CEP112: variants seen among roughly 807,000 people sequenced by gnomAD.
CEP112 encodes the protein centrosomal protein of 112 kDa.
CEP112 carries 127 observed loss-of-function variants against 153.0 expected under a neutral mutation model. The ratio of observed to expected loss-of-function variants is 0.83; its 90% CI spans 0.72 to 0.96. The LOEUF is 0.96. CEP112 is among the 40% of genes least tolerant of loss of function. The probability of loss-of-function intolerance (pLI) is 0.00; values close to 1 mark genes in which losing one functional copy is unlikely to be tolerated. For synonymous variants in CEP112, 358 were observed against 374.4 expected, an observed-to-expected ratio of 0.96 and a Z score of 0.51; for missense variants, 1,089 against 1,101.2, an observed-to-expected ratio of 0.99 and a Z score of 0.16.
chr17:65,970,385 A>AAATTACATGCACACATCATGCATG (rs1340158866), intron 17 of CEP112, among the ~76,000 whole-genome samples: 641 of 16,968 alleles, frequency 0.038, 80 homozygotes, highest in African/African-American at 0.12. Context: ...CATCATGCAT[A>AAATTACATGCACACATCATGCATG]TATATTACAT....
rs73336870 is a variant in CEP112 at position 65,711,260 on chromosome 17, C to T, written c.2608-22042G>A. Reference sequence around the variant, plus strand: ...TCAAATGCATGGTAGAGTAATGAAGCATTCAAGGTTTCCAGTCTGGCTGCC... The same window carrying T: ...TCAAATGCATGGTAGAGTAATGAAGTATTCAAGGTTTCCAGTCTGGCTGCC... On this transcript the variant is annotated intron_variant, in intron 23 of 26. Coordinates refer to ENST00000535342, the MANE Select transcript of CEP112 (RefSeq NM_001199165.4). Among the ~76,000 whole-genome samples, 1,138 of 152,286 alleles carry T rather than the reference C, an allele frequency of 7.5e-3. 18 individuals are homozygous for T. Among genetic ancestry groups the T allele is most frequent in the African/African-American group, 0.026 (1,078 of 41,556 alleles).
At chr17:66,160,992 A>G (rs914773401) in intron 4 of CEP112, among the ~76,000 whole-genome samples, 1 of 152,142 alleles carries the variant, frequency 6.6e-6, no homozygotes, top group Non-Finnish European at 1.5e-5. Flanking sequence ...GAAATTTACA[A>G]GAAAAAAAAA....
intron 17 of CEP112, among the ~76,000 whole-genome samples, chr17:65,966,350 A>T (rs1659067878): frequency 6.6e-6 from 1 of 152,242 alleles, no homozygotes; most frequent in Admixed American, 6.5e-5. Flanking sequence ...TTTACAAGCT[A>T]ACATGTATAT....
At chr17:65,648,358 A>G (rs1047583339) in intron 24 of CEP112, among the ~76,000 whole-genome samples, 8 of 152,218 alleles carry the variant, frequency 5.3e-5, no homozygotes, top group African/African-American at 1.9e-4. Flanking sequence ...GACTCCTGTA[A>G]GCTGAGTGGA....
At chr17:66,041,120 G>T in intron 12 of CEP112, among the ~76,000 whole-genome samples, 1 of 150,018 alleles carries the variant, frequency 6.7e-6, no homozygotes, top group Non-Finnish European at 1.5e-5. Context: ...GTAAATAATT[G>T]TAATTTTCAT....
chr17:65,888,220 C>G (rs1001844086), intron 20 of CEP112, among the ~76,000 whole-genome samples: 1 of 152,110 alleles, frequency 6.6e-6, no homozygotes, highest in Non-Finnish European at 1.5e-5. Context: ...TTTTCCTGCC[C>G]AATTCAATGT....
chr17:66,126,478 C>T (rs2069856016), intron 6 of CEP112, among the ~76,000 whole-genome samples: 1 of 151,718 alleles, frequency 6.6e-6, no homozygotes, highest in African/African-American at 2.4e-5. Context: ...TTACAAATAG[C>T]GAATACCCAC....
intron 18 of CEP112, among the ~76,000 whole-genome samples, chr17:65,945,394 A>G (rs1326206807): frequency 1.3e-5 from 2 of 152,338 alleles, no homozygotes; most frequent in East Asian, 1.9e-4. Context: ...AGTAGGGCAC[A>G]TATGTAGGTG....
chr17:65,827,998 T>C (rs1161892400), intron 21 of CEP112, among the ~76,000 whole-genome samples: 6 of 152,208 alleles, frequency 3.9e-5, no homozygotes, highest in Non-Finnish European at 5.9e-5. Context: ...AATAGCACTT[T>C]GACACTTAAA....
intron 20 of CEP112, among the ~76,000 whole-genome samples, chr17:65,883,600 T>A (rs1464296832): frequency 2.0e-5 from 3 of 152,142 alleles, no homozygotes; most frequent in African/African-American, 7.2e-5. Context: ...TCTGACCTCA[T>A]GATCTGCCTG....
At chr17:65,703,908 C>T (rs1174486438) in intron 23 of CEP112, among the ~76,000 whole-genome samples, 4 of 151,558 alleles carry the variant, frequency 2.6e-5, no homozygotes, top group Admixed American at 6.6e-5. Flanking sequence ...GGAGCCAAAA[C>T]GACAGGGTAT....
At chr17:65,954,263 T>C (rs1380261243) in intron 18 of CEP112, among the ~76,000 whole-genome samples, 1 of 152,092 alleles carries the variant, frequency 6.6e-6, no homozygotes, top group Non-Finnish European at 1.5e-5. Flanking sequence ...ACAATCACTA[T>C]AGCTCCGCTC....
At chr17:66,105,142 G>T (rs1488426929) in intron 6 of CEP112, among the ~76,000 whole-genome samples, 4 of 152,140 alleles carry the variant, frequency 2.6e-5, no homozygotes, top group African/African-American at 9.7e-5. Context: ...AAAGTGGGGG[G>T]ATGAAGCTGA....
intron 21 of CEP112, among the ~76,000 whole-genome samples, chr17:65,788,084 T>C (rs1488541445): frequency 6.6e-6 from 1 of 152,194 alleles, no homozygotes; most frequent in Non-Finnish European, 1.5e-5. Context: ...GTAAGGATAC[T>C]CCCTCCTATT....
Position 65,939,002 on chromosome 17 carries a change from G to A in CEP112, c.1873-11313C>T, listed in dbSNP as rs868428666. Among the ~76,000 whole-genome samples the A allele has an allele frequency of 7.9e-5, 12 of 152,004 alleles. 1 individual carries two copies. The Middle Eastern group carries it at 0.01, about 130-fold the overall frequency. On this transcript the variant is annotated intron_variant, in intron 18 of 26. Coordinates refer to ENST00000535342, the MANE Select transcript of CEP112 (RefSeq NM_001199165.4). ...AATTGTTGTATTTTTTGTAGAGATG[G>A]GGTTTGACCATGTTGGTCAGGCTGG... is the stretch of plus-strand genomic sequence containing the variant.
rs567264276 is a variant in CEP112, at chr17:65,778,329, T to C, written c.2395-27605A>G. 9.8e-5 allele frequency among the ~76,000 whole-genome samples: 15 copies of C among 152,344 alleles called. No homozygotes were observed. In the South Asian group the frequency reaches 3.1e-3, roughly 32 times the overall value. On this transcript the variant is annotated intron_variant, in intron 21 of 26. Coordinates refer to ENST00000535342, the MANE Select transcript of CEP112 (RefSeq NM_001199165.4). ...TTAATGGGGCTTTTCCAGATCACTT[T>C]TTTGCTTTGCAGTCTCTGTCCCTCT... is the stretch of plus-strand genomic sequence containing the variant.
At chr17:65,820,924 T>C (rs909828871) in intron 21 of CEP112, among the ~76,000 whole-genome samples, 1 of 151,986 alleles carries the variant, frequency 6.6e-6, no homozygotes, top group African/African-American at 2.4e-5. Context: ...TGACCCGGGG[T>C]TGCTTCCTTA....
At chr17:66,134,820 TA>T (rs2146563982) in intron 4 of CEP112, among the ~76,000 whole-genome samples, 1 of 152,258 alleles carries the variant, frequency 6.6e-6, no homozygotes, top group East Asian at 1.9e-4. Context: ...AGACCCTGTC[TA>T]AAAACAAACG....
At chr17:65,914,919 G>A (rs565671770) in intron 19 of CEP112, among the ~76,000 whole-genome samples, 17 of 152,274 alleles carry the variant, frequency 1.1e-4, no homozygotes, top group African/African-American at 4.1e-4. Context: ...ACTGAAACCA[G>A]TCTTGTTGAG....
Sources: gnomAD v4.1 joint callset for allele counts (sites outside exome capture counted in the v4.1 genomes callset) on GRCh38, gnomAD v4.1.1 for gene constraint, MANE v1.5 for transcripts, NCBI Gene and HGNC (gene_info 2026-07-23, HGNC 2026-07-21) for gene names.